The following MMS19 variants were observed in gnomAD, a reference collection of about 807,000 sequenced individuals.
MMS19 encodes MMS19 nucleotide excision repair protein homolog.
A neutral mutation model predicts 129.8 loss-of-function variants in MMS19; 77 were observed. That is an observed-to-expected ratio of 0.59 (90% CI 0.49 to 0.72). The LOEUF (loss-of-function observed/expected upper bound fraction) is 0.72. MMS19 is among the 30% of genes least tolerant of loss of function. The probability of loss-of-function intolerance (pLI) is 0.00; values close to 1 mark genes in which losing one functional copy is unlikely to be tolerated. For synonymous variants in MMS19, 491 were observed against 502.8 expected (o/e 0.98, Z 0.31); for missense variants, 1,168 against 1,266.3 (o/e 0.92, Z 1.18).
In MMS19 at chr10:97,467,561, A is replaced by G. The variant is rs2033768066; in HGVS notation, c.1241T>C (p.Leu414Pro). The part of the protein sequence containing the change: ...HSQSSQRRTI[L>P]EMLLGFLKLQ... ...CTTCAAGAAACCCAGGAGCATTTCA[A>G]GGATTGTCCGCCGCTGGCTGCTCTG... is the stretch of plus-strand genomic sequence containing the variant. Residue 414 changes from leucine (L) to proline (P), a missense_variant, in exon 14 of 31, where the codon CTT becomes CCT. Transcript: ENST00000438925. 11 of 1,613,916 alleles carry G rather than the reference A, an allele frequency of 6.8e-6. No individual in the cohort carries two copies. Among genetic ancestry groups the G allele is most frequent in the African/African-American group, 1.3e-5 (1 of 74,942 alleles).
chr10:97,482,356 A>C (rs2036952866), intron 2 of MMS19, among the ~76,000 whole-genome samples: 1 of 152,198 alleles, frequency 6.6e-6, no homozygotes, highest in Non-Finnish European at 1.5e-5. Context: ...ATTCAGCAAG[A>C]AAAGAAATGC....
chr10:97,464,127 C>A, intron 18 of MMS19, 114 bp from the exon 19 acceptor site: 1 of 958,072 alleles, frequency 1.0e-6, no homozygotes, highest in Non-Finnish European at 1.5e-6. Context: ...CCAAGAGTGC[C>A]TTATTAAAAA....
chr10:97,475,525 AG>A (rs1165904239), intron 8 of MMS19, among the ~76,000 whole-genome samples: 1 of 152,012 alleles, frequency 6.6e-6, no homozygotes, highest in Non-Finnish European at 1.5e-5. Flanking sequence ...TCACGAAGTC[AG>A]GGGTTCAATA....
intron 8 of MMS19, 87 bp from the exon 9 acceptor site, chr10:97,470,948 G>A: frequency 2.0e-6 from 2 of 1,003,472 alleles, no homozygotes; most frequent in Non-Finnish European, 3.0e-6. Flanking sequence ...TGCAGAACAG[G>A]GTGATACTCA....
At chr10:97,465,987 T>G (rs753414248) in intron 17 of MMS19, 33 bp from the exon 18 acceptor site, 15 of 1,612,668 alleles carry the variant, frequency 9.3e-6, no homozygotes, top group Admixed American at 1.7e-5. Flanking sequence ...AGGTTTACTG[T>G]GTGATAGGAA....
intron 1 of MMS19, among the ~76,000 whole-genome samples, chr10:97,492,287 A>G (rs879506377): frequency 2.6e-5 from 4 of 151,324 alleles, no homozygotes; most frequent in Non-Finnish European, 5.9e-5. Context: ...TGGTTAACAC[A>G]GTGAAACCCT....
intron 5 of MMS19, 132 bp from the exon 6 acceptor site, chr10:97,477,548 T>G: frequency 7.9e-7 from 1 of 1,259,130 alleles, no homozygotes; most frequent in Non-Finnish European, 1.1e-6. Context: ...TAAGAGAAAC[T>G]ACAGAGAAAG....
At chr10:97,489,730 T>A (rs796765731) in intron 1 of MMS19, among the ~76,000 whole-genome samples, 25 of 152,352 alleles carry the variant, frequency 1.6e-4, no homozygotes, top group African/African-American at 5.8e-4. Flanking sequence ...TTTCCTTGTT[T>A]TTCATGACCT....
chr10:97,461,696 AGGGACC>A, intron 22 of MMS19, 74 bp from the exon 23 acceptor site: 1 of 1,561,880 alleles, frequency 6.4e-7, no homozygotes, highest in South Asian at 1.2e-5. Flanking sequence ...TAGTGGCAGC[AGGGACC>A]GGGACGGATG....
At chr10:97,486,891 A>G (rs1048111633) in intron 1 of MMS19, among the ~76,000 whole-genome samples, 13 of 132,340 alleles carry the variant, frequency 9.8e-5, no homozygotes, top group Admixed American at 2.4e-4. Context: ...ATATATATAT[A>G]TATAAAATTA....
chr10:97,463,740 T>C, intron 19 of MMS19, 118 bp downstream of exon 19: 1 of 985,362 alleles, frequency 1.0e-6, no homozygotes, highest in Non-Finnish European at 1.5e-6. Flanking sequence ...GACAAAGGAT[T>C]GAAAATAAAC....
rs149036617 is a variant in MMS19 at position 97,491,404 on chromosome 10, C to T, written c.112+6869G>A. ...GGTAAAGGCCGGGCGTGGTGGCTCA[C>T]GCCTATAATCCCAGCACTCTGGGAG... On this transcript the variant is annotated intron_variant, in intron 1 of 30. Transcript: ENST00000438925. 9.9e-5 allele frequency among the ~76,000 whole-genome samples: 15 copies of T among 152,132 alleles called. No homozygotes were observed. In the East Asian group the frequency reaches 1.9e-3, roughly 20 times the overall value.
intron 8 of MMS19, among the ~76,000 whole-genome samples, chr10:97,472,176 TACAAAAGTTTATGAA>T (rs762815849): frequency 6.6e-5 from 10 of 152,150 alleles, no homozygotes; most frequent in Non-Finnish European, 1.3e-4. Context: ...AAATGGTAAA[TACAAAAGTTTATGAA>T]ACAGAAGAAA....
intron 1 of MMS19, among the ~76,000 whole-genome samples, chr10:97,487,260 CAA>C (rs1849611251): frequency 6.7e-6 from 1 of 148,276 alleles, no homozygotes; most frequent in South Asian, 2.1e-4. Context: ...GGAAAACAAA[CAA>C]AAACATTGGC....
At position 97,476,723 on chromosome 10, in the gene MMS19, A is replaced by G; in HGVS notation, c.644T>C (p.Phe215Ser). The change falls in exon 8 of 31, where the codon TTT becomes TCT. Residue 215 changes from phenylalanine to serine, a missense_variant. Transcript: ENST00000438925. ...YSLGPFVEEL[F>S]EVTSCYFPID... is the part of the protein sequence containing the mutation. Reference sequence around the variant, plus strand: ...AGGGAAATAACAGGATGTCACTTCAAACAACTCCTCCACAAAGGGTCCTGT... The same window carrying G: ...AGGGAAATAACAGGATGTCACTTCAGACAACTCCTCCACAAAGGGTCCTGT... The G allele has an allele frequency of 6.2e-7, 1 of 1,613,982 alleles. No individual in the cohort carries two copies. The highest frequency in any genetic ancestry group is 8.5e-7 in the Non-Finnish European group (1 of 1,179,876).
Position 97,462,683 on chromosome 10 carries a change from C to T in MMS19, c.1913-1G>A. 6.2e-7 allele frequency: 1 copy of T among 1,608,062 alleles called. No homozygotes were observed. Among genetic ancestry groups the T allele is most frequent in the Non-Finnish European group, 8.5e-7 (1 of 1,174,522 alleles). ...TTTCTCAGAACTGAGGGCTCCTTCTCTGCAAAACACACACACATGCACACA... is the reference window on the plus strand; with the variant it reads ...TTTCTCAGAACTGAGGGCTCCTTCTTTGCAAAACACACACACATGCACACA... On this transcript the variant is annotated splice_acceptor_variant, in intron 19 of 30. Transcript: ENST00000438925. LOFTEE classifies it high-confidence loss of function.
intron 1 of MMS19, among the ~76,000 whole-genome samples, chr10:97,497,166 T>C (rs2039954800): frequency 6.6e-6 from 1 of 152,178 alleles, no homozygotes. Context: ...AATGGTTGCC[T>C]CTCCCAGCAT....
At chr10:97,478,429 G>A (rs371742625) in intron 3 of MMS19, 40 bp from the exon 4 acceptor site, 139 of 1,440,652 alleles carry the variant, frequency 9.6e-5, no homozygotes, top group Admixed American at 3.7e-5. Context: ...ACATAGGCAC[G>A]AGAAGGGCCC....
chr10:97,488,671 GA>G (rs1178626436), intron 1 of MMS19, among the ~76,000 whole-genome samples: 52 of 152,286 alleles, frequency 3.4e-4, no homozygotes. Context: ...AGTGAATAAT[GA>G]CAGGAAAAAA....
Sources: allele counts gnomAD v4.1 joint callset (sites outside exome capture counted in the v4.1 genomes callset), GRCh38; gene constraint gnomAD v4.1.1; transcripts MANE v1.5; gene names NCBI Gene and HGNC (gene_info 2026-07-23, HGNC 2026-07-21).